LINGO1: variants seen among roughly 807,000 people sequenced by gnomAD.
LINGO1 encodes the protein leucine rich repeat and Ig domain containing 1.
Under a neutral mutation model 37.3 loss-of-function variants are expected in LINGO1, and 11 were observed. The ratio of observed to expected loss-of-function variants is 0.29; its 90% confidence interval spans 0.19 to 0.49. The LOEUF (loss-of-function observed/expected upper bound fraction) is 0.49, where lower values mean the gene tolerates loss of function less well. LINGO1 is among the 20% of genes least tolerant of loss of function. The pLI is 0.99. For missense variants in LINGO1, 585 were observed against 878.2 expected, an observed-to-expected ratio of 0.67 and a Z score of 4.22; for synonymous variants, 387 against 403.0, an observed-to-expected ratio of 0.96 and a Z score of 0.48.
Position 77,615,027 on chromosome 15 carries a change from G to A in LINGO1, c.880C>T (p.Leu294Phe). ...RHLVYLRFLN[L>F]SYNPISTIEG... ...ATGGTGCTGATGGGGTTGTAGGAGA[G>A]GTTGAGGAAGCGGAGATAGACTAGG... The change falls in exon 2 of 2, where the codon CTC (leucine) becomes TTC (phenylalanine). Residue 294 changes from leucine (L) to phenylalanine (F), a missense_variant. Coordinates refer to ENST00000355300, the MANE Select transcript of LINGO1 (RefSeq NM_032808.7). 1 of 1,614,060 alleles carries A rather than the reference G, an allele frequency of 6.2e-7. No homozygotes were observed. The highest frequency in any genetic ancestry group is 8.5e-7 in the Non-Finnish European group (1 of 1,179,900).
chr15:77,680,725 T>C (rs1386775143), intron 2 of LINGO1, among the ~76,000 whole-genome samples: 1 of 152,126 alleles, frequency 6.6e-6, no homozygotes, highest in Non-Finnish European at 1.5e-5. Flanking sequence ...TCCAGAGCTT[T>C]TTCCTTGACT....
At chr15:77,774,495 C>T (rs772923814) in intron 1 of LINGO1, among the ~76,000 whole-genome samples, 3 of 152,292 alleles carry the variant, frequency 2.0e-5, no homozygotes, top group East Asian at 1.9e-4. Flanking sequence ...GGGAACCCCA[C>T]GGGAACTCCA....
intron 1 of LINGO1, among the ~76,000 whole-genome samples, chr15:77,770,587 C>CAAAA (rs71145861): frequency 1.3e-4 from 10 of 79,316 alleles, no homozygotes; most frequent in Non-Finnish European, 1.9e-4. Flanking sequence ...GACTCTGTCT[C>CAAAA]AAAAAAAAAA....
chr15:77,688,317 T>A (rs565873844), intron 2 of LINGO1, among the ~76,000 whole-genome samples: 1 of 152,378 alleles, frequency 6.6e-6, no homozygotes, highest in African/African-American at 2.4e-5. Flanking sequence ...ATGGCTCTCA[T>A]TTTAATTAAT....
At chr15:77,712,465 T>C (rs575127289) in intron 2 of LINGO1, among the ~76,000 whole-genome samples, 10 of 152,124 alleles carry the variant, frequency 6.6e-5, no homozygotes, top group Admixed American at 5.9e-4. Context: ...CCAACCAACA[T>C]CTTGGCACTT....
intron 1 of LINGO1, among the ~76,000 whole-genome samples, chr15:77,767,997 G>T (rs998087406): frequency 9.2e-5 from 14 of 152,250 alleles, no homozygotes; most frequent in African/African-American, 2.2e-4. Flanking sequence ...ATTGTTGGAA[G>T]AGGTTGCTCC....
intron 3 of LINGO1, among the ~76,000 whole-genome samples, chr15:77,656,247 TG>T (rs1178669759): frequency 2.0e-5 from 3 of 152,126 alleles, no homozygotes; most frequent in Non-Finnish European, 4.4e-5. Context: ...GACTGAGCTT[TG>T]GGGAAAGGAG....
intron 1 of LINGO1, among the ~76,000 whole-genome samples, chr15:77,771,738 G>A (rs2076587617): frequency 6.6e-6 from 1 of 152,114 alleles, no homozygotes; most frequent in Admixed American, 6.5e-5. Context: ...AGAAGCCTTG[G>A]CCACCCCCCG....
chr15:77,808,792 A>G (rs187748102), intron 1 of LINGO1, among the ~76,000 whole-genome samples: 2 of 152,286 alleles, frequency 1.3e-5, no homozygotes, highest in Admixed American at 1.3e-4. Context: ...TTAGGATTAA[A>G]TGAGGTAATA....
chr15:77,676,199 C>T (rs2075324984), intron 3 of LINGO1, among the ~76,000 whole-genome samples: 1 of 152,378 alleles, frequency 6.6e-6, no homozygotes, highest in East Asian at 1.9e-4. Flanking sequence ...AGGCTGGCTG[C>T]CCCTGGCTCC....
At chr15:77,619,634 CTGTGAT>C (rs1404039172) in intron 1 of LINGO1, among the ~76,000 whole-genome samples, 23 of 151,966 alleles carry the variant, frequency 1.5e-4, no homozygotes, top group African/African-American at 3.1e-4. Context: ...CTACAGTGAA[CTGTGAT>C]TGTGCCACTG....
intron 3 of LINGO1, among the ~76,000 whole-genome samples, chr15:77,661,279 A>G (rs192068610): frequency 2.6e-5 from 4 of 152,298 alleles, no homozygotes; most frequent in Admixed American, 2.6e-4. Context: ...TTAAAGCAGG[A>G]GGGACTGTGG....
intron 1 of LINGO1, among the ~76,000 whole-genome samples, chr15:77,745,362 C>A (rs2076303774): frequency 6.7e-6 from 1 of 149,096 alleles, no homozygotes; most frequent in Non-Finnish European, 1.5e-5. Flanking sequence ...GGAGGTGGAG[C>A]TTGCAGTGAG....
intron 2 of LINGO1, among the ~76,000 whole-genome samples, chr15:77,707,007 T>C (rs969130228): frequency 5.3e-5 from 8 of 152,202 alleles, no homozygotes; most frequent in Non-Finnish European, 8.8e-5. Flanking sequence ...GCCACACGGA[T>C]TCCCTGTAGA....
intron 3 of LINGO1, among the ~76,000 whole-genome samples, chr15:77,663,822 A>G (rs1465395101): frequency 6.6e-6 from 1 of 152,216 alleles, no homozygotes; most frequent in African/African-American, 2.4e-5. Context: ...CCCTCCATGC[A>G]ATCAGCTGAG....
chr15:77,712,798 C>G (rs927493297), intron 2 of LINGO1, among the ~76,000 whole-genome samples: 1 of 152,232 alleles, frequency 6.6e-6, no homozygotes, highest in Non-Finnish European at 1.5e-5. Context: ...CCTGCACCCC[C>G]CTTCCTGCCT....
At chr15:77,730,898 G>C (rs923877109) in intron 2 of LINGO1, among the ~76,000 whole-genome samples, 1 of 152,178 alleles carries the variant, frequency 6.6e-6, no homozygotes, top group Non-Finnish European at 1.5e-5. Context: ...ACCTTGAGGT[G>C]CTGTCCTGGG....
chr15:77,624,635 GGAGT>G (rs1476553460), intron 1 of LINGO1, among the ~76,000 whole-genome samples: 3 of 152,184 alleles, frequency 2.0e-5, no homozygotes, highest in Non-Finnish European at 4.4e-5. Context: ...TTGGTGGAGA[GGAGT>G]GAGAGTCGGG....
intron 1 of LINGO1, among the ~76,000 whole-genome samples, chr15:77,818,705 G>T (rs998515474): frequency 6.6e-6 from 1 of 152,060 alleles, no homozygotes; most frequent in African/African-American, 2.4e-5. Context: ...GACATCCCAG[G>T]CCCTGGGCCT....
Sources: gnomAD v4.1 joint callset for allele counts (sites outside exome capture counted in the v4.1 genomes callset) on GRCh38, gnomAD v4.1.1 for gene constraint, MANE v1.5 for transcripts, NCBI Gene and HGNC (gene_info 2026-07-23, HGNC 2026-07-21) for gene names.